RYR3: variants seen among roughly 807,000 people sequenced by gnomAD.
RYR3 encodes the protein ryanodine receptor 3.
RYR3 carries 207 observed loss-of-function variants against 584.3 expected under a neutral mutation model. The ratio of observed to expected loss-of-function variants is 0.35; its 90% CI spans 0.32 to 0.40. RYR3 has a LOEUF of 0.40. Among genes scored for constraint, RYR3 ranks in the 10% least tolerant of loss-of-function variants. The pLI is 1.00. For synonymous variants in RYR3, 2,416 were observed against 2,248.5 expected (o/e 1.07, Z -2.11); for missense variants, 5,616 against 6,089.2 (o/e 0.92, Z 2.59).
chr15:33,395,155 G>A (rs981112329), intron 1 of RYR3, among the ~76,000 whole-genome samples: 4 of 152,190 alleles, frequency 2.6e-5, no homozygotes, highest in Non-Finnish European at 1.5e-5. Flanking sequence ...CACAAAGATG[G>A]TGTGTGATTT....
chr15:33,460,151 T>C (rs907581311), intron 1 of RYR3, among the ~76,000 whole-genome samples: 5 of 152,206 alleles, frequency 3.3e-5, no homozygotes, highest in Non-Finnish European at 5.9e-5. Context: ...AGCAGAGTGA[T>C]TGGACATGGT....
At chr15:33,690,365 A>G (rs1207528683) in intron 38 of RYR3, among the ~76,000 whole-genome samples, 1 of 152,242 alleles carries the variant, frequency 6.6e-6, no homozygotes, top group Non-Finnish European at 1.5e-5. Context: ...TGATGAATGA[A>G]TAATAGCCAG....
intron 1 of RYR3, among the ~76,000 whole-genome samples, chr15:33,372,933 T>C (rs1183946373): frequency 6.6e-6 from 1 of 152,228 alleles, no homozygotes; most frequent in Non-Finnish European, 1.5e-5. Context: ...TGCCCAACAA[T>C]AGATAACCTG....
chr15:33,641,849 C>T (rs1434250906), intron 27 of RYR3, among the ~76,000 whole-genome samples: 1 of 152,190 alleles, frequency 6.6e-6, no homozygotes, highest in Non-Finnish European at 1.5e-5. Flanking sequence ...CCCACAGGGA[C>T]AACACTTTAC....
At chr15:33,644,177 G>C in intron 27 of RYR3, 134 bp from the exon 28 acceptor site, 1 of 670,036 alleles carries the variant, frequency 1.5e-6, no homozygotes, top group Non-Finnish European at 2.6e-6. Context: ...CAGGAAGAAA[G>C]AAAGAAAGAA....
chr15:33,472,799 C>A (rs2049035162), intron 1 of RYR3, among the ~76,000 whole-genome samples: 1 of 152,072 alleles, frequency 6.6e-6, no homozygotes, highest in African/African-American at 2.4e-5. Context: ...TCTACTTGAC[C>A]TTCAGTTCCT....
chr15:33,412,254 C>A lies in RYR3; in HGVS notation c.52-61165C>A, dbSNP rs554541881. Among the ~76,000 whole-genome samples the A allele has an allele frequency of 1.3e-5, 2 of 152,276 alleles. No individual in the cohort carries two copies. The highest frequency in any genetic ancestry group is 4.1e-4 in the South Asian group (2 of 4,824). On this transcript the variant is annotated intron_variant, in intron 1 of 103. Coordinates refer to ENST00000634891, the MANE Select transcript of RYR3 (RefSeq NM_001036.6). This position sits in a 1 kb window ranked among gnomAD's most constrained non-coding sequence, Gnocchi z 4.3. ...ATGCAGCTTTTCAATTTAGTAACCC[C>A]TTTGGCTTGAGGCTGGGAAGGCCAT...
chr15:33,374,566 A>C (rs1017079191), intron 1 of RYR3, among the ~76,000 whole-genome samples: 2 of 152,158 alleles, frequency 1.3e-5, no homozygotes, highest in Admixed American at 1.3e-4. Context: ...GCACCAAGAA[A>C]ATTTCCTCAG....
At chr15:33,644,851 T>A (rs1397034718) in intron 28 of RYR3, among the ~76,000 whole-genome samples, 1 of 151,936 alleles carries the variant, frequency 6.6e-6, no homozygotes, top group Non-Finnish European at 1.5e-5. Flanking sequence ...TTTTTTTTTC[T>A]TTTTTTAAGT....
At chr15:33,770,136 A>G (rs4608307) in intron 62 of RYR3, among the ~76,000 whole-genome samples, 26,122 of 148,072 alleles carry the variant, frequency 0.18, 2,524 homozygotes, top group South Asian at 0.28. Context: ...AAAAAAAAAG[A>G]AAGAAACGTC....
chr15:33,783,531 G>A (rs1048377601), intron 65 of RYR3, among the ~76,000 whole-genome samples: 11 of 152,198 alleles, frequency 7.2e-5, no homozygotes, highest in African/African-American at 2.7e-4. Flanking sequence ...CTCCAGTGCA[G>A]CAACCTCAAG....
chr15:33,336,325 G>T (rs1014047001), intron 1 of RYR3, among the ~76,000 whole-genome samples: 2 of 151,474 alleles, frequency 1.3e-5, no homozygotes, highest in Non-Finnish European at 2.9e-5. Flanking sequence ...CCAGTTACTC[G>T]GGAGGCTGAG....
At chr15:33,410,416 G>A (rs910349192) in intron 1 of RYR3, among the ~76,000 whole-genome samples, 3 of 152,186 alleles carry the variant, frequency 2.0e-5, no homozygotes, top group Non-Finnish European at 2.9e-5. Flanking sequence ...TACGTGTCAA[G>A]ATGTTGAAAA....
intron 38 of RYR3, among the ~76,000 whole-genome samples, chr15:33,689,816 T>A (rs1469103771): frequency 6.6e-6 from 1 of 152,204 alleles, no homozygotes; most frequent in Non-Finnish European, 1.5e-5. Flanking sequence ...TTACTCATTA[T>A]TTTACACTTT....
intron 1 of RYR3, among the ~76,000 whole-genome samples, chr15:33,425,480 G>A (rs188519846): frequency 1.3e-5 from 2 of 152,234 alleles, no homozygotes; most frequent in East Asian, 3.9e-4. Context: ...AGAGAGAAGA[G>A]AAATCCTGCT....
intron 7 of RYR3, among the ~76,000 whole-genome samples, chr15:33,541,913 C>G (rs1197174279): frequency 6.6e-6 from 1 of 152,106 alleles, no homozygotes; most frequent in Admixed American, 6.5e-5. Context: ...TCAAGAAGCT[C>G]TGGGTTTAAG....
intron 1 of RYR3, among the ~76,000 whole-genome samples, chr15:33,464,519 T>C (rs1167149652): frequency 1.4e-5 from 2 of 138,814 alleles, no homozygotes; most frequent in African/African-American, 5.4e-5. Flanking sequence ...CACATACACA[T>C]ATATGTACAT....
intron 32 of RYR3, among the ~76,000 whole-genome samples, chr15:33,654,127 G>A (rs1157751053): frequency 6.6e-6 from 1 of 152,092 alleles, no homozygotes; most frequent in African/African-American, 2.4e-5. Context: ...AACGCTGTAC[G>A]AGTTCAAAAA....
chr15:33,581,904 A>G (rs901446749), intron 14 of RYR3, among the ~76,000 whole-genome samples: 3 of 152,156 alleles, frequency 2.0e-5, no homozygotes, highest in African/African-American at 7.2e-5. Flanking sequence ...CTCAACCTCT[A>G]TTCCTTACCT....
Sources: gnomAD v4.1 joint callset for allele counts (sites outside exome capture counted in the v4.1 genomes callset) on GRCh38, gnomAD v4.1.1 for gene constraint, Gnocchi (gnomAD v3.1) non-coding constraint, MANE v1.5 for transcripts, NCBI Gene and HGNC (gene_info 2026-07-23, HGNC 2026-07-21) for gene names.